Variants in ANK2 observed in about 807,000 individuals in gnomAD.
The protein encoded by ANK2 is ankyrin 2, also known as ankyrin-2.
Under a neutral mutation model 360.5 loss-of-function variants are expected in ANK2, and 83 were observed. The ratio of observed to expected loss-of-function variants is 0.23; its 90% CI spans 0.19 to 0.28. The LOEUF (loss-of-function observed/expected upper bound fraction) is 0.28. Ranked by LOEUF, ANK2 falls within the 10% of genes least tolerant of loss-of-function variation. The pLI is 1.00. For synonymous variants in ANK2, 1,740 were observed against 1,759.5 expected (o/e 0.99, Z 0.28); for missense variants, 4,201 against 4,795.7 (o/e 0.88, Z 3.66).
At chr4:113,374,634 C>G in intron 45 of ANK2, 1 of 427,698 alleles carries the variant, frequency 2.3e-6, no homozygotes, top group South Asian at 7.8e-5. Context: ...ACTCTGCTTC[C>G]CATTGCTGTT....
chr4:112,900,537 G>A (rs1050355146), intron 1 of ANK2, among the ~76,000 whole-genome samples: 1 of 151,936 alleles, frequency 6.6e-6, no homozygotes, highest in Non-Finnish European at 1.5e-5. Flanking sequence ...CAAAAGCCGG[G>A]GAAAGGGAAA....
At chr4:112,880,429 T>C (rs978941509) in intron 1 of ANK2, 2 of 152,230 alleles carry the variant, frequency 1.3e-5, no homozygotes, top group African/African-American at 4.8e-5. Context: ...GAACTAGTAG[T>C]ACCTGCGAAC....
intron 2 of ANK2, among the ~76,000 whole-genome samples, chr4:113,036,072 C>T (rs371843934): frequency 2.0e-5 from 3 of 151,908 alleles, no homozygotes; most frequent in African/African-American, 4.8e-5. Context: ...TAGTCTCATA[C>T]GTCTTCCAAT....
chr4:112,989,634 C>T (rs2046075253), intron 2 of ANK2, among the ~76,000 whole-genome samples: 1 of 152,136 alleles, frequency 6.6e-6, no homozygotes, highest in Non-Finnish European at 1.5e-5. Flanking sequence ...CAGAAAATAT[C>T]CTGCAGCCTC....
At position 113,355,568 on chromosome 4, in the gene ANK2, A is replaced by C; in HGVS notation, c.6950A>C (p.Lys2317Thr). Residue 2317 changes from lysine (K) to threonine (T), a missense_variant, in exon 38 of 46, where the codon AAA (lysine) becomes ACA (threonine). Lys to Thr is a moderately conservative substitution (Grantham distance 78). Coordinates refer to ENST00000357077, the MANE Select transcript of ANK2 (RefSeq NM_001148.6). ...AAAGAGGCCACTCTAGGCTCTCCCA[A>C]AGACACAAGCCCTAAAAGACAAGAT... ...FQKEATLGSP[K>T]DTSPKRQDDC... is the part of the protein sequence containing the mutation. The C allele has an allele frequency of 6.2e-7, 1 of 1,614,082 alleles. No homozygotes were observed. The highest frequency in any genetic ancestry group is 8.5e-7 in the Non-Finnish European group (1 of 1,179,964).
the ANK2 span, among the ~76,000 whole-genome samples, chr4:112,725,766 G>T: frequency 3.9e-5 from 6 of 152,120 alleles, no homozygotes; most frequent in East Asian, 1.2e-3. Context: ...GTAGCCAAGG[G>T]CTGGAGGCTG....
At position 113,354,578 on chromosome 4, in the gene ANK2, C is replaced by T. The variant is rs2095625815; in HGVS notation, c.5960C>T (p.Thr1987Ile). 6.2e-7 allele frequency: 1 copy of T among 1,613,984 alleles called. No individual in the cohort carries two copies. The highest frequency in any genetic ancestry group is 1.3e-5 in the African/African-American group (1 of 74,902). Residue 1987 changes from threonine (T) to isoleucine (I), a missense_variant, in exon 38 of 46, where the codon ACC becomes ATC. Around this residue, in one of 4 missense-constraint regions of ANK2, gnomAD observed 2,642 missense variants for 2,714.5 expected, o/e 0.97. Coordinates refer to ENST00000357077, the MANE Select transcript of ANK2 (RefSeq NM_001148.6). ...PTSKTERIEE[T>I]MSVRELMKAF... is the part of the protein sequence containing the mutation. ...TCAAAAACAGAGAGGATTGAGGAAA[C>T]CATGTCTGTTCGGGAGCTGATGAAG...
chr4:113,059,360 A>G (rs558084074), intron 1 of ANK2, among the ~76,000 whole-genome samples: 1 of 152,306 alleles, frequency 6.6e-6, no homozygotes, highest in Admixed American at 6.5e-5. Flanking sequence ...CTAGCCCTAC[A>G]TATGAATTTG....
chr4:112,876,137 G>C (rs1003388387), intron 1 of ANK2, among the ~76,000 whole-genome samples: 1 of 151,652 alleles, frequency 6.6e-6, no homozygotes, highest in Non-Finnish European at 1.5e-5. Flanking sequence ...TAATCAATCC[G>C]TTTTCAATGC....
At chr4:113,334,415 C>T (rs1588452270) in intron 29 of ANK2, among the ~76,000 whole-genome samples, 1 of 152,156 alleles carries the variant, frequency 6.6e-6, no homozygotes, top group East Asian at 1.9e-4. Flanking sequence ...AGATATTTAC[C>T]TATCAATGAC....
chr4:113,113,761 T>C (rs1320269595), intron 1 of ANK2, among the ~76,000 whole-genome samples: 3 of 152,190 alleles, frequency 2.0e-5, no homozygotes. Context: ...TGGTGCCTTG[T>C]CTGTGCAGAG....
intron 39 of ANK2, among the ~76,000 whole-genome samples, chr4:113,361,393 A>C (rs1394901949): frequency 6.6e-6 from 1 of 152,048 alleles, no homozygotes; most frequent in African/African-American, 2.4e-5. Flanking sequence ...TAAGTATAGA[A>C]ATTTTATGTT....
At chr4:112,989,678 A>G (rs2154277674) in intron 2 of ANK2, among the ~76,000 whole-genome samples, 1 of 152,344 alleles carries the variant, frequency 6.6e-6, no homozygotes, top group South Asian at 2.1e-4. Context: ...CAAATTGTGG[A>G]CATTCATCAG....
At chr4:113,084,173 G>T (rs969436990) in intron 1 of ANK2, among the ~76,000 whole-genome samples, 2 of 152,230 alleles carry the variant, frequency 1.3e-5, no homozygotes, top group African/African-American at 2.4e-5. Flanking sequence ...ATTGTCACAG[G>T]CCAGGCCTGA....
chr4:113,220,438 C>A (rs1303615286), intron 4 of ANK2, among the ~76,000 whole-genome samples: 1 of 152,254 alleles, frequency 6.6e-6, no homozygotes, highest in East Asian at 1.9e-4. Flanking sequence ...CCTACAAATA[C>A]CCACTTCTAT....
chr4:113,265,650 T>A (rs1322120752), intron 14 of ANK2, among the ~76,000 whole-genome samples: 1 of 152,200 alleles, frequency 6.6e-6, no homozygotes, highest in Non-Finnish European at 1.5e-5. Context: ...TTTTTAAATC[T>A]TACTTTCCAA....
At chr4:112,727,611 A>T in the ANK2 span, among the ~76,000 whole-genome samples, 1 of 152,156 alleles carries the variant, frequency 6.6e-6, no homozygotes, top group Middle Eastern at 3.2e-3. Context: ...TGAGACTAGG[A>T]AAAAATAGAG....
At chr4:112,897,053 G>A (rs2081982602) in intron 1 of ANK2, among the ~76,000 whole-genome samples, 1 of 152,122 alleles carries the variant, frequency 6.6e-6, no homozygotes, top group Non-Finnish European at 1.5e-5. Flanking sequence ...TCCAGCTGGT[G>A]ATCTGACAAG....
chr4:112,886,092 G>C (rs966337018), intron 1 of ANK2, among the ~76,000 whole-genome samples: 3 of 152,068 alleles, frequency 2.0e-5, no homozygotes, highest in Non-Finnish European at 4.4e-5. Context: ...CTTTAGAGAG[G>C]ATGGCAGTCA....
Sources: gnomAD v4.1 joint callset for allele counts (sites outside exome capture counted in the v4.1 genomes callset) on GRCh38, gnomAD v4.1.1 for gene constraint, gnomAD v4.1.1 regional missense constraint, MANE v1.5 for transcripts, NCBI Gene and HGNC (gene_info 2026-07-23, HGNC 2026-07-21) for gene names.